Variants in STAC3 observed in about 807,000 individuals in gnomAD.
The protein encoded by STAC3 is SH3 and cysteine rich domain 3, also known as SH3 and cysteine-rich domain-containing protein 3.
STAC3 carries 30 observed loss-of-function variants against 48.5 expected under a neutral mutation model. That is an observed-to-expected ratio of 0.62 (90% CI 0.46 to 0.84). The LOEUF (loss-of-function observed/expected upper bound fraction) is 0.84, where lower values mean the gene tolerates loss of function less well. Among genes scored for constraint, STAC3 ranks in the 40% least tolerant of loss-of-function variants. STAC3 has a pLI of 0.00. For missense variants in STAC3, 419 were observed against 462.6 expected, an observed-to-expected ratio of 0.91 and a Z score of 0.86; for synonymous variants, 144 against 158.6, an observed-to-expected ratio of 0.91 and a Z score of 0.69.
At chr12:57,245,043 T>G in intron 7 of STAC3, 78 bp from the exon 8 acceptor site, 2 of 1,601,056 alleles carry the variant, frequency 1.2e-6, no homozygotes, top group Non-Finnish European at 1.7e-6. Flanking sequence ...TGGAAGGGCC[T>G]CGTCTATCCA....
chr12:57,245,221 G>C lies in STAC3; in HGVS notation c.604-10C>G, dbSNP rs1182850375. ...TCATGGCTGCTACAGGCTGGAGGGG[G>C]CACCAGAGTTAGGGAGACGCTGTCT... On this transcript the variant is annotated splice_polypyrimidine_tract_variant and intron_variant, in intron 6 of 11. Transcript: ENST00000332782. 1.2e-6 allele frequency: 2 copies of C among 1,613,714 alleles called. No homozygotes were observed. Among genetic ancestry groups the C allele is most frequent in the African/African-American group, 2.7e-5 (2 of 74,912 alleles).
At chr12:57,245,017 T>G (rs2037700267) in intron 7 of STAC3, 52 bp from the exon 8 acceptor site, 2 of 1,610,136 alleles carry the variant, frequency 1.2e-6, no homozygotes, top group African/African-American at 1.3e-5. Flanking sequence ...GCAATTCTTA[T>G]TCTCTTACCC....
In STAC3 at chr12:57,249,037, T is replaced by TCACGAACAATCATCCGGG; in HGVS notation, c.320_334+3dup. 1 of 1,584,596 alleles carries TCACGAACAATCATCCGGG rather than the reference T, an allele frequency of 6.3e-7. No individual in the cohort carries two copies. ...TACTCTCTTCACTTCCCTTCATGACTCACGAACAATCATCCGGGCACAGAC... is the reference window on the plus strand; with the variant it reads ...TACTCTCTTCACTTCCCTTCATGACTCACGAACAATCATCCGGGCACGAACAATCATCCGGGCACAGAC... On this transcript the variant is annotated splice_donor_region_variant and intron_variant, in intron 3 of 11. Coordinates refer to ENST00000332782, the MANE Select transcript of STAC3 (RefSeq NM_145064.3).
At chr12:57,246,926 G>T in intron 5 of STAC3, 25 bp from the exon 6 acceptor site, 2 of 1,605,228 alleles carry the variant, frequency 1.2e-6, no homozygotes, top group Non-Finnish European at 1.7e-6. Flanking sequence ...GGAGAAAGAA[G>T]ACATTATTGG....
intron 1 of STAC3, chr12:57,249,865 C>CGGTAGGGGGA: frequency 2.2e-6 from 1 of 459,786 alleles, no homozygotes; most frequent in Non-Finnish European, 4.0e-6. Context: ...AAGCGATCCC[C>CGGTAGGGGGA]CTACCTCAGC....
At chr12:57,251,187 GAC>G (rs1565784958), upstream of STAC3, 1 of 455,524 alleles carries the variant, frequency 2.2e-6, no homozygotes, top group East Asian at 7.0e-5. Flanking sequence ...GGGCTGAAAT[GAC>G]AGGGCTGGAG....
At chr12:57,248,455 T>C in intron 4 of STAC3, 1 of 561,538 alleles carries the variant, frequency 1.8e-6, no homozygotes, top group Non-Finnish European at 3.2e-6. Context: ...CTCGGCTCAC[T>C]GCAAGCTCCG....
chr12:57,244,743 C>A, intron 8 of STAC3, 121 bp from the exon 9 acceptor site: 1 of 1,415,934 alleles, frequency 7.1e-7, no homozygotes, highest in Non-Finnish European at 9.9e-7. Flanking sequence ...GGTCCCTGAA[C>A]TGAGAGAAGT....
Position 57,249,125 on chromosome 12 carries a change from G to C in STAC3, c.250C>G (p.Leu84Val). 1 of 1,613,946 alleles carries C rather than the reference G, an allele frequency of 6.2e-7. No homozygotes were observed. The highest frequency in any genetic ancestry group is 8.5e-7 in the Non-Finnish European group (1 of 1,179,962). Residue 84 changes from leucine to valine, a missense_variant, in exon 3 of 12, where the codon CTG becomes GTG. Leu to Val is a conservative substitution (Grantham distance 32). Transcript: ENST00000332782. ...EEEPPPEPPK[L>V]VNDKPHKFKD... ...AATTTGTGGGGCTTATCGTTGACCA[G>C]CTTAGGAGGTTCTGGGGGTGGCTCC...
rs938336349 is a variant in STAC3 at position 57,243,695 on chromosome 12, G to A, written c.*117C>T. ...CCCGGAAGCCCCGTCGCGCTCAGGC[G>A]GGCCTTCCTACCCCTCCTCTCCCAG... is the stretch of plus-strand genomic sequence containing the variant. On this transcript the variant is annotated 3_prime_UTR_variant, in exon 12 of 12. Transcript: ENST00000332782. 1.0e-6 allele frequency: 1 copy of A among 954,472 alleles called. No individual in the cohort carries two copies. The allele number at this position is 954,472 out of a possible 1,614,324, so 59.1% of individuals were successfully genotyped here.
In STAC3 at chr12:57,249,610, G is replaced by A; in HGVS notation, c.27C>T (p.Ser9=). 6.2e-7 allele frequency: 1 copy of A among 1,614,034 alleles called. No individual in the cohort carries two copies. Among genetic ancestry groups the A allele is most frequent in the Non-Finnish European group, 8.5e-7 (1 of 1,180,002 alleles). The change falls in exon 2 of 12, where the codon TCC becomes TCT. Residue 9 remains serine (S), a synonymous_variant. Transcript: ENST00000332782. MTEKEVLE[S]PKPSFPAETR... ...TCTCTGCTGGGAAGGAGGGCTTAGG[G>A]GACTCCAGCACCTCCTTTTCTGTCA... is the stretch of plus-strand genomic sequence containing the variant.
In STAC3 at chr12:57,249,086, A is replaced by G; in HGVS notation, c.289T>C (p.Phe97Leu). The G allele has an allele frequency of 6.2e-7, 1 of 1,610,224 alleles. No homozygotes were observed. Among genetic ancestry groups the G allele is most frequent in the Non-Finnish European group, 8.5e-7 (1 of 1,177,908 alleles). The change falls in exon 3 of 12, where the codon TTC (phenylalanine) becomes CTC (leucine). Residue 97 changes from phenylalanine (F) to leucine (L), a missense_variant. By Grantham distance (22) the Phe-to-Leu change is conservative (BLOSUM62 0). Transcript: ENST00000332782. ...ACATCACAGAACTTTGGCTTCTTGA[A>G]GAAGTGATCTTTGAATTTGTGGGGC... ...DKPHKFKDHF[F>L]KKPKFCDVCA...
Position 57,249,589 on chromosome 12 carries a change from T to C in STAC3, c.48A>G (p.Ala16=), listed in dbSNP as rs1477769060. 7 of 1,614,134 alleles carry C rather than the reference T, an allele frequency of 4.3e-6. No individual in the cohort carries two copies. Among genetic ancestry groups the C allele is most frequent in the Non-Finnish European group, 5.1e-6 (6 of 1,180,020 alleles). Residue 16 remains alanine, a synonymous_variant, in exon 2 of 12, where the codon GCA becomes GCG. Coordinates refer to ENST00000332782, the MANE Select transcript of STAC3 (RefSeq NM_145064.3). ...GACTCACCCCACTTTGCCGAGTCTC[T>C]GCTGGGAAGGAGGGCTTAGGGGACT... ...VLESPKPSFP[A]ETRQSGLQRL...
Position 57,251,074 on chromosome 12 carries a change from C to G in STAC3, c.-83G>C. ...CCTTGATGGTGGTGCTGGGGAAAAA[C>G]TGGTCCTCTTCCTTGGGGGCTAAGC... is the stretch of plus-strand genomic sequence containing the variant. On this transcript the variant is annotated 5_prime_UTR_variant, in exon 1 of 12. Transcript: ENST00000332782. The G allele has an allele frequency of 4.5e-6, 2 of 440,008 alleles. No individual in the cohort carries two copies. Among genetic ancestry groups the G allele is most frequent in the South Asian group, 3.1e-5 (2 of 63,614 alleles). 27.3% of individuals were successfully genotyped at this position (440,008 alleles called of 1,614,324 possible). A position where few individuals can be genotyped will look rare whatever the true frequency, so the allele number is the denominator to read the frequency against.
chr12:57,248,339 A>G, intron 4 of STAC3, 141 bp from the exon 5 acceptor site: 1 of 713,302 alleles, frequency 1.4e-6, no homozygotes, highest in Non-Finnish European at 2.5e-6. Flanking sequence ...GATGGAGGAG[A>G]GACCAGCAAG....
chr12:57,244,525 A>T lies in STAC3; in HGVS notation c.806+12T>A. ...CTCCGCAGTACCAGCCCCCTGCCCCAAGGCCTCTCACGGGAAATCCAGATC... is the reference window on the plus strand; with the variant it reads ...CTCCGCAGTACCAGCCCCCTGCCCCTAGGCCTCTCACGGGAAATCCAGATC... On this transcript the variant is annotated intron_variant, in intron 9 of 11. Transcript: ENST00000332782. The T allele has an allele frequency of 6.2e-7, 1 of 1,614,136 alleles. No individual in the cohort carries two copies. Among genetic ancestry groups the T allele is most frequent in the Non-Finnish European group, 8.5e-7 (1 of 1,179,998 alleles).
intron 3 of STAC3, 80 bp downstream of exon 3, chr12:57,248,961 A>G (rs2037832401): frequency 3.8e-6 from 6 of 1,559,820 alleles, no homozygotes. Flanking sequence ...CCCATCTGCT[A>G]CAAATACTCC....
intron 5 of STAC3, 96 bp downstream of exon 5, chr12:57,248,028 GAA>G: frequency 9.1e-7 from 1 of 1,102,316 alleles, no homozygotes; most frequent in Non-Finnish European, 1.4e-6. Flanking sequence ...ATGGGAAACA[GAA>G]AGTTTCTGTT....
rs1173741019 is a variant in STAC3, at chr12:57,243,554, T to TA, written c.*257dup. The stretch of plus-strand genomic sequence containing the variant: ...CCAGTCCCTGGCTCCTCCTAGTAGA[T>TA]ACGCGTTTTTTTCCAGCTCTTGCAA... On this transcript the variant is annotated 3_prime_UTR_variant, in exon 12 of 12. Coordinates refer to ENST00000332782, the MANE Select transcript of STAC3 (RefSeq NM_145064.3). 9 of 456,082 alleles carry TA rather than the reference T, an allele frequency of 2.0e-5. No individual in the cohort carries two copies. Among genetic ancestry groups the TA allele is most frequent in the African/African-American group, 1.3e-4 (6 of 47,632 alleles). 28.3% of individuals were successfully genotyped at this position (456,082 alleles called of 1,614,324 possible).
Sources: gnomAD v4.1 joint callset for allele counts on GRCh38, gnomAD v4.1.1 for gene constraint, MANE v1.5 for transcripts, NCBI Gene and HGNC (gene_info 2026-07-23, HGNC 2026-07-21) for gene names.